CROCC: variants seen among roughly 807,000 people sequenced by gnomAD.
The protein encoded by CROCC is rootletin.
Under a neutral mutation model 245.2 loss-of-function variants are expected in CROCC, and 180 were observed. The ratio of observed to expected loss-of-function variants is 0.73; its 90% CI spans 0.65 to 0.83. The LOEUF is 0.83. Among genes scored for constraint, CROCC ranks in the 40% least tolerant of loss-of-function variants. The pLI is 0.00. For synonymous variants in CROCC, 1,205 were observed against 1,241.6 expected (o/e 0.97, Z 0.62); for missense variants, 2,688 against 2,779.4 (o/e 0.97, Z 0.74).
In CROCC at chr1:16,931,404, C is replaced by G; in HGVS notation, c.956+7C>G. On this transcript the variant is annotated splice_region_variant and intron_variant, in intron 8 of 36. Coordinates refer to ENST00000375541, the MANE Select transcript of CROCC (RefSeq NM_014675.5). The stretch of plus-strand genomic sequence containing the variant: ...TGAAGATGTTCACTGAGAGGTGAGG[C>G]CTGGCCGGGGACGGGGCAGCAGCTG... 6.2e-7 allele frequency: 1 copy of G among 1,607,840 alleles called. No homozygotes were observed. Among genetic ancestry groups the G allele is most frequent in the Non-Finnish European group, 8.5e-7 (1 of 1,175,350 alleles).
At chr1:16,947,247 C>A (rs553963304) in intron 17 of CROCC, among the ~76,000 whole-genome samples, 1 of 152,248 alleles carries the variant, frequency 6.6e-6, no homozygotes, top group Non-Finnish European at 1.5e-5. Context: ...GAGGCCGAGG[C>A]GGGTGGATCA....
At chr1:16,922,126 G>A in intron 1 of CROCC, 48 bp downstream of exon 1, 2 of 1,473,592 alleles carry the variant, frequency 1.4e-6, no homozygotes, top group South Asian at 2.6e-5. Flanking sequence ...GGGCAGCGTG[G>A]ACTTAACAGG....
chr1:16,931,510 C>G (rs112098047), intron 8 of CROCC, 113 bp downstream of exon 8: 4 of 1,029,264 alleles, frequency 3.9e-6, no homozygotes, highest in Non-Finnish European at 5.9e-6. Flanking sequence ...GCACAAGGGC[C>G]GGTGAGGACA....
chr1:16,940,204 G>T, intron 13 of CROCC, 111 bp downstream of exon 13: 1 of 1,149,770 alleles, frequency 8.7e-7, no homozygotes, highest in Non-Finnish European at 1.2e-6. Context: ...GCCACTAGCT[G>T]CATGTGCCTA....
rs1217679920 is a variant in CROCC at position 16,966,037 on chromosome 1, G to A, written c.4614G>A (p.Gln1538=). ...LRTQTSALNR[Q]LAEMEAERDS... is the part of the protein sequence containing the mutation. The stretch of plus-strand genomic sequence containing the variant: ...CCCAGACCAGTGCCCTGAATCGCCA[G>A]CTGGCCGAGATGGAGGCTGAGAGGG... Residue 1538 remains glutamine, a synonymous_variant, in exon 29 of 37, where the codon CAG becomes CAA. Transcript: ENST00000375541. This position sits in a 1 kb window ranked among gnomAD's most constrained non-coding sequence, Gnocchi z 4.8. 1.2e-6 allele frequency: 2 copies of A among 1,613,794 alleles called. No individual in the cohort carries two copies. Among genetic ancestry groups the A allele is most frequent in the African/African-American group, 2.7e-5 (2 of 74,946 alleles).
chr1:16,968,020 C>T (rs148580443), intron 30 of CROCC, among the ~76,000 whole-genome samples, 183 bp from the exon 31 acceptor site: 94 of 152,288 alleles, frequency 6.2e-4, no homozygotes, highest in African/African-American at 1.7e-3. Context: ...GGGATCTTCA[C>T]GTCCACTCAT....
In CROCC at chr1:16,932,733, G is replaced by C. The variant is rs190008617; in HGVS notation, c.956+1336G>C. On this transcript the variant is annotated intron_variant, in intron 8 of 36. Coordinates refer to ENST00000375541, the MANE Select transcript of CROCC (RefSeq NM_014675.5). ...CAGGGAAAGGAGAGCCTGCCTCAGCGGGGGAGCTTGGGCCTGCCTGATCCG... is the reference window on the plus strand; with the variant it reads ...CAGGGAAAGGAGAGCCTGCCTCAGCCGGGGAGCTTGGGCCTGCCTGATCCG... Among the ~76,000 whole-genome samples, 16 of 152,376 alleles carry C rather than the reference G, an allele frequency of 1.1e-4. No homozygotes were observed. In the East Asian group the frequency reaches 1.4e-3, roughly 13 times the overall value.
chr1:16,949,795 G>A (rs2076127902), intron 19 of CROCC, among the ~76,000 whole-genome samples: 2 of 152,354 alleles, frequency 1.3e-5, no homozygotes, highest in South Asian at 4.1e-4. Flanking sequence ...TTGAGACAGA[G>A]TTTCACTCTT....
rs762580426 is a variant in CROCC at position 16,922,798 on chromosome 1, G to A, written c.196G>A (p.Val66Ile). Residue 66 changes from valine (V) to isoleucine (I), a missense_variant and splice_region_variant, in exon 2 of 37, where the codon GTC becomes ATC. By Grantham distance (29) the Val-to-Ile change is conservative (BLOSUM62 3). This residue lies in a region of CROCC where 972 missense variants were observed against 895.3 expected (regional missense o/e 1.09). Coordinates refer to ENST00000375541, the MANE Select transcript of CROCC (RefSeq NM_014675.5). ...TRNLSQPESP[V>I]LLPATEMASL... is the part of the protein sequence containing the mutation. Reference sequence around the variant, plus strand: ...CAACCTCTCCCAGCCTGAGAGCCCAGGTGCCACCCCCATCCGCTCCCCTCC... The same window carrying A: ...CAACCTCTCCCAGCCTGAGAGCCCAAGTGCCACCCCCATCCGCTCCCCTCC... 1 of 1,611,638 alleles carries A rather than the reference G, an allele frequency of 6.2e-7. No homozygotes were observed. Among genetic ancestry groups the A allele is most frequent in the South Asian group, 1.1e-5 (1 of 90,768 alleles).
chr1:16,959,499 G>T (rs2076296511), intron 26 of CROCC, among the ~76,000 whole-genome samples: 1 of 152,190 alleles, frequency 6.6e-6, no homozygotes, highest in African/African-American at 2.4e-5. Context: ...TCATCTCTGT[G>T]CCTCAGAGCG....
rs575160269 is a variant in CROCC at position 16,935,987 on chromosome 1, T to G, written c.957-650T>G. Reference sequence around the variant, plus strand: ...CTCCCTCAGTGCCCTCCGTTGTGGTTGTATCACCCTCCCACCAGCTGAGTA... The same window carrying G: ...CTCCCTCAGTGCCCTCCGTTGTGGTGGTATCACCCTCCCACCAGCTGAGTA... On this transcript the variant is annotated intron_variant, in intron 8 of 36. Transcript: ENST00000375541. Among the ~76,000 whole-genome samples, 3 of 152,350 alleles carry G rather than the reference T, an allele frequency of 2.0e-5. No homozygotes were observed. In the East Asian group the frequency reaches 5.8e-4, roughly 29 times the overall value.
chr1:16,914,255 T>TCCGCGACTG, intron 1 of CROCC, among the ~76,000 whole-genome samples: 1 of 152,228 alleles, frequency 6.6e-6, no homozygotes, highest in Admixed American at 6.5e-5. Context: ...CGCTGTGTGT[T>TCCGCGACTG]CCGCGACTGC....
At chr1:16,946,678 T>C in intron 16 of CROCC, 83 bp from the exon 17 acceptor site, 1 of 1,397,784 alleles carries the variant, frequency 7.2e-7, no homozygotes, top group Non-Finnish European at 9.8e-7. Context: ...TGGGCTATTG[T>C]TGCTGGTGGG....
intron 25 of CROCC, among the ~76,000 whole-genome samples, chr1:16,957,713 G>A (rs552119759): frequency 6.6e-6 from 1 of 152,096 alleles, no homozygotes; most frequent in African/African-American, 2.4e-5. Flanking sequence ...CCAAAGTGCT[G>A]GGATTACAGG....
rs1239142264 is a variant in CROCC, at chr1:16,946,785, C to T, written c.2308C>T (p.Gln770Ter). ...AQLEEEKSAL[Q>*]GRQRQAEQEA... is the part of the protein sequence containing the mutation. Reference sequence around the variant, plus strand: ...GCTGGAGGAAGAAAAGTCCGCCCTGCAGGGCCGGCAACGGCAGGCAGAGCA... The same window carrying T: ...GCTGGAGGAAGAAAAGTCCGCCCTGTAGGGCCGGCAACGGCAGGCAGAGCA... The change falls in exon 17 of 37, where the codon CAG (glutamine) becomes TAG (stop). Residue 770 changes from glutamine (Q) to a stop codon, truncating the protein, a stop_gained. Transcript: ENST00000375541. LOFTEE classifies it high-confidence loss of function. 13 of 1,551,940 alleles carry T rather than the reference C, an allele frequency of 8.4e-6. No individual in the cohort carries two copies. The highest frequency in any genetic ancestry group is 1.0e-5 in the Non-Finnish European group (12 of 1,147,210).
chr1:16,923,482 G>A (rs1400566688), intron 2 of CROCC, among the ~76,000 whole-genome samples: 5 of 152,220 alleles, frequency 3.3e-5, no homozygotes, highest in Non-Finnish European at 7.4e-5. Context: ...AGGGTAGAAG[G>A]GGAACCCACA....
At chr1:16,934,799 T>C (rs2075751416) in intron 8 of CROCC, among the ~76,000 whole-genome samples, 1 of 152,022 alleles carries the variant, frequency 6.6e-6, no homozygotes, top group African/African-American at 2.4e-5. Flanking sequence ...TTTCTTTTTA[T>C]ATATACAGAT....
At chr1:16,943,493 G>A (rs2075976519) in intron 13 of CROCC, among the ~76,000 whole-genome samples, 2 of 151,828 alleles carry the variant, frequency 1.3e-5, no homozygotes, top group African/African-American at 4.8e-5. Flanking sequence ...AGTGGAGATT[G>A]CGCTACTGCA....
chr1:16,921,374 G>A (rs1170781499), upstream of CROCC, among the ~76,000 whole-genome samples: 1 of 152,294 alleles, frequency 6.6e-6, no homozygotes, highest in Non-Finnish European at 1.5e-5. Flanking sequence ...GTCAGACCTA[G>A]GAATGCCGCA....
Sources: allele counts gnomAD v4.1 joint callset (sites outside exome capture counted in the v4.1 genomes callset), GRCh38; gene constraint gnomAD v4.1.1; regional missense constraint gnomAD v4.1.1; non-coding constraint Gnocchi (gnomAD v3.1); transcripts MANE v1.5; gene names NCBI Gene and HGNC (gene_info 2026-07-23, HGNC 2026-07-21).